The following LGSN variants were observed in gnomAD, a reference collection of about 807,000 sequenced individuals.
LGSN encodes lengsin.
In LGSN, 21 loss-of-function variants were observed where a neutral mutation model predicts 19.5. The ratio of observed to expected loss-of-function variants is 1.07; its 90% CI spans 0.76 to 1.55. LGSN has a LOEUF of 1.55. LGSN is among the 40% of genes most tolerant of loss of function. LGSN has a pLI of 0.00. For missense variants in LGSN, 673 were observed against 608.5 expected (o/e 1.11, Z -1.12); for synonymous variants, 257 against 215.6 (o/e 1.19, Z -1.68).
the LGSN span, among the ~76,000 whole-genome samples, chr6:63,419,880 CAAAAAAAAAAAAAAAAAAAAAAAAAAA>C: frequency 1.3e-3 from 74 of 57,342 alleles, 1 homozygote; most frequent in African/African-American, 4.8e-3. Context: ...AACTCCCTCC[CAAAAAAAAAAAAAAAAAAAAAAAAAAA>C]AAAAAAAAAA....
chr6:63,534,452 A>AACACACACAC, the LGSN span, among the ~76,000 whole-genome samples: 2 of 144,416 alleles, frequency 1.4e-5, no homozygotes, highest in African/African-American at 2.6e-5. Flanking sequence ...CACACAGAGA[A>AACACACACAC]ACACACACAC....
At chr6:63,438,767 T>G in the LGSN span, among the ~76,000 whole-genome samples, 5 of 152,240 alleles carry the variant, frequency 3.3e-5, no homozygotes, top group African/African-American at 4.8e-5. Flanking sequence ...GACTGTAAAC[T>G]AGTTCAACCC....
the LGSN span, among the ~76,000 whole-genome samples, chr6:63,469,346 C>T: frequency 6.6e-6 from 1 of 152,148 alleles, no homozygotes; most frequent in African/African-American, 2.4e-5. Flanking sequence ...GAGGAGTAAT[C>T]AGGCAGGAAA....
At chr6:63,458,838 A>G in the LGSN span, among the ~76,000 whole-genome samples, 1 of 152,246 alleles carries the variant, frequency 6.6e-6, no homozygotes, top group African/African-American at 2.4e-5. Flanking sequence ...CCTTCCATGC[A>G]GTGTATTTTC....
chr6:63,518,096 G>A, the LGSN span, among the ~76,000 whole-genome samples: 1 of 148,090 alleles, frequency 6.8e-6, no homozygotes, highest in African/African-American at 2.5e-5. Flanking sequence ...AGGTTGCTGT[G>A]AGCCCAGATA....
At chr6:63,543,036 T>G in the LGSN span, among the ~76,000 whole-genome samples, 1 of 152,154 alleles carries the variant, frequency 6.6e-6, no homozygotes, top group Non-Finnish European at 1.5e-5. Context: ...CAACATTAAT[T>G]AACATATGGC....
rs1215610196 is a variant in LGSN, at chr6:63,294,958, CAT to C, written c.116_117del (p.Tyr39CysfsTer5). 6.2e-7 allele frequency: 1 copy of C among 1,613,810 alleles called. No individual in the cohort carries two copies. Among genetic ancestry groups the C allele is most frequent in the South Asian group, 1.1e-5 (1 of 91,084 alleles). ...GTTTCTCCCACTTCAGTTGAACAAA[CAT>C]ATGGTTTAGTGACTTTCTTCCTTGT... is the stretch of plus-strand genomic sequence containing the variant. ...RRTRKKVTKP[Y>X]VCSTEVGETD... On this transcript the variant is annotated frameshift_variant, in exon 2 of 4. Transcript: ENST00000370657. LOFTEE classifies it high-confidence loss of function.
chr6:63,429,298 T>C, the LGSN span, among the ~76,000 whole-genome samples: 1 of 152,178 alleles, frequency 6.6e-6, no homozygotes, highest in Non-Finnish European at 1.5e-5. Flanking sequence ...AATCCTTTCC[T>C]CTCACTATTT....
the LGSN span, among the ~76,000 whole-genome samples, chr6:63,440,327 G>A: frequency 4.6e-5 from 7 of 152,190 alleles, no homozygotes; most frequent in Non-Finnish European, 8.8e-5. Context: ...GAGGAGCCTG[G>A]CCTCCTCAGT....
At chr6:63,550,521 T>A in the LGSN span, 1 of 152,308 alleles carries the variant, frequency 6.6e-6, no homozygotes, top group African/African-American at 2.4e-5. Flanking sequence ...ACTTTCATGA[T>A]AAAGGGCCTG....
the LGSN span, among the ~76,000 whole-genome samples, chr6:63,387,065 T>C: frequency 6.6e-5 from 10 of 152,002 alleles, no homozygotes. Context: ...CACACCACCG[T>C]GCTCCAGCCT....
chr6:63,570,108 G>T, the LGSN span, among the ~76,000 whole-genome samples: 1 of 152,174 alleles, frequency 6.6e-6, no homozygotes, highest in Non-Finnish European at 1.5e-5. Context: ...GGAGACTGAG[G>T]CAGGCAGATC....
the LGSN span, among the ~76,000 whole-genome samples, chr6:63,393,771 G>T: frequency 1.3e-5 from 2 of 151,964 alleles, no homozygotes; most frequent in African/African-American, 4.8e-5. Context: ...TTAAACCTTC[G>T]CTCTTAAACT....
the LGSN span, among the ~76,000 whole-genome samples, chr6:63,400,080 C>A: frequency 6.6e-6 from 1 of 152,170 alleles, no homozygotes; most frequent in Non-Finnish European, 1.5e-5. Flanking sequence ...AAATAGCCCT[C>A]ATTTTGTTTA....
the LGSN span, among the ~76,000 whole-genome samples, chr6:63,346,904 T>C: frequency 6.6e-6 from 1 of 152,024 alleles, no homozygotes; most frequent in East Asian, 1.9e-4. Flanking sequence ...TTGGGAGACC[T>C]ATGGACTGCT....
At position 63,285,751 on chromosome 6, in the gene LGSN, A is replaced by G. The variant is rs1184840401; in HGVS notation, c.166T>C (p.Cys56Arg). The G allele has an allele frequency of 6.2e-7, 1 of 1,613,366 alleles. No individual in the cohort carries two copies. The highest frequency in any genetic ancestry group is 8.5e-7 in the Non-Finnish European group (1 of 1,179,600). The change falls in exon 3 of 4, where the codon TGC (cysteine) becomes CGC (arginine). Residue 56 changes from cysteine to arginine, a missense_variant and splice_region_variant. By Grantham distance (180) the Cys-to-Arg change is radical. Transcript: ENST00000370657. ...GETDMSNSND[C>R]MRDSSQILTP... ...AAAATTTGACTGCTGTCCCTCATGCAATCTGCAAAATAAAAAAATAGGTTC... is the reference window on the plus strand; with the variant it reads ...AAAATTTGACTGCTGTCCCTCATGCGATCTGCAAAATAAAAAAATAGGTTC...
the LGSN span, among the ~76,000 whole-genome samples, chr6:63,515,801 A>T: frequency 6.6e-6 from 1 of 152,176 alleles, no homozygotes; most frequent in Non-Finnish European, 1.5e-5. Flanking sequence ...TGTGAAATGG[A>T]AGGAAGAAAG....
chr6:63,526,291 C>T, the LGSN span, among the ~76,000 whole-genome samples: 1 of 151,976 alleles, frequency 6.6e-6, no homozygotes, highest in Non-Finnish European at 1.5e-5. Context: ...CACCACTGCA[C>T]TCCAGCCTGG....
At chr6:63,546,620 C>T in the LGSN span, among the ~76,000 whole-genome samples, 10 of 152,112 alleles carry the variant, frequency 6.6e-5, no homozygotes, top group East Asian at 1.9e-4. Flanking sequence ...GCAGAATAAA[C>T]GCTCAAACCA....
Sources: gnomAD v4.1 joint callset for allele counts (sites outside exome capture counted in the v4.1 genomes callset) on GRCh38, gnomAD v4.1.1 for gene constraint, MANE v1.5 for transcripts, NCBI Gene and HGNC (gene_info 2026-07-23, HGNC 2026-07-21) for gene names.